Variants in TET1 observed in about 807,000 individuals in gnomAD.
TET1 encodes tet methylcytosine dioxygenase 1.
TET1 carries 13 observed loss-of-function variants against 148.7 expected under a neutral mutation model. That is an observed-to-expected ratio of 0.09 (90% CI 0.06 to 0.14). The LOEUF is 0.14. TET1 is among the 10% of genes least tolerant of loss of function. The probability of loss-of-function intolerance (pLI) is 1.00; values close to 1 mark genes in which losing one functional copy is unlikely to be tolerated. For synonymous variants in TET1, 907 were observed against 937.2 expected (o/e 0.97, Z 0.59); for missense variants, 2,182 against 2,553.8 (o/e 0.85, Z 3.14).
intron 3 of TET1, among the ~76,000 whole-genome samples, chr10:68,639,296 C>A (rs1001486617): frequency 2.6e-5 from 4 of 151,940 alleles, no homozygotes; most frequent in Admixed American, 2.6e-4. Flanking sequence ...GTCCTGTGAG[C>A]CTGTAATCCC....
At chr10:68,602,927 TA>T (rs534928932) in intron 3 of TET1, among the ~76,000 whole-genome samples, 3 of 152,032 alleles carry the variant, frequency 2.0e-5, no homozygotes, top group African/African-American at 7.3e-5. Flanking sequence ...GTAGAAATGC[TA>T]AAAAAAACTT....
intron 6 of TET1, among the ~76,000 whole-genome samples, chr10:68,665,008 G>A (rs116110570): frequency 0.01 from 1,535 of 152,058 alleles, 26 homozygotes; most frequent in African/African-American, 0.035. Context: ...TTGGCCTCAA[G>A]CAATCCTCTC....
chr10:68,645,824 C>G lies in TET1; in HGVS notation c.3095C>G (p.Ser1032Cys). 1.9e-6 allele frequency: 3 copies of G among 1,613,978 alleles called. No homozygotes were observed. The African/African-American group carries it at 4.0e-5, about 22-fold the overall frequency. The change falls in exon 4 of 12, where the codon TCC becomes TGC. Residue 1032 changes from serine (S) to cysteine (C), a missense_variant. By Grantham distance (112) the Ser-to-Cys change is moderately radical (BLOSUM62 -1). This residue lies in a region of TET1 where 582 missense variants were observed against 599.5 expected (regional missense o/e 0.97). Transcript: ENST00000373644. ...GGGATAATTACTCTTGACAATTGTT[C>G]CAATGATTTGCATCAGTTGCCACCA... ...AQGIITLDNCSNDLHQLPPRN... is the reference protein window; with the variant it reads ...AQGIITLDNCCNDLHQLPPRN...
intron 2 of TET1, among the ~76,000 whole-genome samples, chr10:68,584,452 T>C (rs531440727): frequency 6.7e-6 from 1 of 149,812 alleles, no homozygotes; most frequent in African/African-American, 2.4e-5. Flanking sequence ...TTCAGGCCTG[T>C]AATCCCAGCA....
chr10:68,572,696 C>T lies in TET1; in HGVS notation c.358C>T (p.Leu120=), dbSNP rs773332400. 3 of 1,614,164 alleles carry T rather than the reference C, an allele frequency of 1.9e-6. No homozygotes were observed. The highest frequency in any genetic ancestry group is 3.3e-5 in the Admixed American group (2 of 60,006). ...TAGCAGGCGACTCTCCCAACCCCCA[C>T]TGGTCGTAGCCAAATCCAAAAAGGT... ...SLSRRLSQPP[L]VVAKSKKVPL... The change falls in exon 2 of 12, where the codon CTG becomes TTG. Residue 120 remains leucine (L), a synonymous_variant. Transcript: ENST00000373644.
chr10:68,629,499 T>C (rs1474822024), intron 3 of TET1, among the ~76,000 whole-genome samples: 1 of 152,082 alleles, frequency 6.6e-6, no homozygotes, highest in Non-Finnish European at 1.5e-5. Context: ...TGTTGAGATA[T>C]TTTTAATATT....
Position 68,585,743 on chromosome 10 carries a change from G to A in TET1, c.1914+11491G>A, listed in dbSNP as rs148089433. On this transcript the variant is annotated intron_variant, in intron 2 of 11. Transcript: ENST00000373644. ...AAATTTTTTTGGGCCGGGCACGGTG[G>A]CGCACACCTGTAATCTCAGCACTTT... Among the ~76,000 whole-genome samples the A allele has an allele frequency of 3.5e-3, 538 of 152,084 alleles. 9 individuals carry two copies. The highest frequency in any genetic ancestry group is 0.026 in the Admixed American group (394 of 15,258).
At chr10:68,688,824 C>T (rs1294331487) in intron 11 of TET1, among the ~76,000 whole-genome samples, 3 of 151,822 alleles carry the variant, frequency 2.0e-5, no homozygotes, top group African/African-American at 7.3e-5. Context: ...CTTTGATGAG[C>T]CTATAGAAGG....
chr10:68,566,762 C>A (rs983070194), intron 1 of TET1, among the ~76,000 whole-genome samples: 1 of 151,368 alleles, frequency 6.6e-6, no homozygotes. Context: ...GAGAATATAG[C>A]AAACTCTGAG....
chr10:68,583,823 A>G (rs2053828816), intron 2 of TET1, among the ~76,000 whole-genome samples: 1 of 151,984 alleles, frequency 6.6e-6, no homozygotes, highest in Non-Finnish European at 1.5e-5. Flanking sequence ...AGGCAAGAGG[A>G]TCGCTTGAAC....
chr10:68,631,594 G>A (rs181087977), intron 3 of TET1, among the ~76,000 whole-genome samples: 242 of 152,178 alleles, frequency 1.6e-3, no homozygotes, highest in Middle Eastern at 6.8e-3. Context: ...AGATAGGAAA[G>A]ACCTGCTTGT....
chr10:68,580,770 G>A (rs2053785153), intron 2 of TET1, among the ~76,000 whole-genome samples: 1 of 111,414 alleles, frequency 9.0e-6, no homozygotes, highest in African/African-American at 3.7e-5. Flanking sequence ...CAACAAGAGC[G>A]AAACTCCATC....
chr10:68,605,190 G>T (rs76861773), intron 3 of TET1, among the ~76,000 whole-genome samples: 2,130 of 152,258 alleles, frequency 0.014, 54 homozygotes, highest in African/African-American at 0.049. Context: ...AAGAACAAGT[G>T]GGGCCAGGAG....
At chr10:68,659,318 A>G (rs1339753329) in intron 6 of TET1, among the ~76,000 whole-genome samples, 1 of 152,202 alleles carries the variant, frequency 6.6e-6, no homozygotes. Context: ...GTGGCAATGA[A>G]TACCTACAAG....
At chr10:68,608,122 G>A (rs1028378779) in intron 3 of TET1, among the ~76,000 whole-genome samples, 2 of 152,034 alleles carry the variant, frequency 1.3e-5, no homozygotes, top group Non-Finnish European at 2.9e-5. Context: ...AGAGACTGGG[G>A]TTTCATCATG....
intron 3 of TET1, among the ~76,000 whole-genome samples, chr10:68,612,075 A>G (rs1047118821): frequency 1.3e-5 from 2 of 150,996 alleles, no homozygotes; most frequent in African/African-American, 4.9e-5. Flanking sequence ...TGGATGAGGC[A>G]TATCTTGTTG....
intron 6 of TET1, among the ~76,000 whole-genome samples, chr10:68,655,666 T>C (rs984087714): frequency 6.6e-6 from 1 of 152,240 alleles, no homozygotes; most frequent in Non-Finnish European, 1.5e-5. Flanking sequence ...TTTGTTTTTG[T>C]TTTTGTTTTC....
chr10:68,639,454 C>CTATTATTATTAT (rs1252293347), intron 3 of TET1, among the ~76,000 whole-genome samples: 20 of 139,202 alleles, frequency 1.4e-4, no homozygotes, highest in African/African-American at 5.3e-4. Flanking sequence ...ATTACTACTA[C>CTATTATTATTAT]TACTACTACT....
chr10:68,577,282 G>C (rs1217859271), intron 2 of TET1, among the ~76,000 whole-genome samples: 1 of 148,238 alleles, frequency 6.7e-6, no homozygotes, highest in African/African-American at 2.5e-5. Flanking sequence ...CCTGACCTCA[G>C]ATGATCTGCC....
Sources: allele counts gnomAD v4.1 joint callset (sites outside exome capture counted in the v4.1 genomes callset), GRCh38; gene constraint gnomAD v4.1.1; regional missense constraint gnomAD v4.1.1; transcripts MANE v1.5; gene names NCBI Gene and HGNC (gene_info 2026-07-23, HGNC 2026-07-21).